Variants in STXBP5L observed in about 807,000 individuals in gnomAD.
STXBP5L encodes syntaxin-binding protein 5-like.
A neutral mutation model predicts 144.5 loss-of-function variants in STXBP5L; 65 were observed. The ratio of observed to expected loss-of-function variants is 0.45; its 90% CI spans 0.37 to 0.55. The LOEUF (loss-of-function observed/expected upper bound fraction) is 0.55, where lower values mean the gene tolerates loss of function less well. STXBP5L is among the 20% of genes least tolerant of loss of function. The probability of loss-of-function intolerance (pLI) is 0.00; values close to 1 mark genes in which losing one functional copy is unlikely to be tolerated. For missense variants in STXBP5L, 1,298 were observed against 1,405.5 expected, an observed-to-expected ratio of 0.92 and a Z score of 1.22; for synonymous variants, 505 against 469.6, an observed-to-expected ratio of 1.08 and a Z score of -0.97.
intron 5 of STXBP5L, among the ~76,000 whole-genome samples, chr3:121,057,109 AAAAT>A (rs1186043256): frequency 1.3e-5 from 2 of 151,900 alleles, no homozygotes; most frequent in Non-Finnish European, 2.9e-5. Context: ...CATAACAATG[AAAAT>A]AAATAAACTA....
At chr3:121,050,767 C>T (rs1182223256) in intron 5 of STXBP5L, among the ~76,000 whole-genome samples, 2 of 152,094 alleles carry the variant, frequency 1.3e-5, no homozygotes, top group African/African-American at 4.8e-5. Flanking sequence ...ACTAAATGCT[C>T]CAATTAAAAG....
intron 3 of STXBP5L, among the ~76,000 whole-genome samples, chr3:121,004,100 G>T (rs1944038759): frequency 6.6e-6 from 1 of 152,124 alleles, no homozygotes; most frequent in Admixed American, 6.5e-5. Flanking sequence ...GTCATTGGTA[G>T]CTTGATGGGG....
At chr3:121,112,191 C>T (rs1428654241) in intron 5 of STXBP5L, among the ~76,000 whole-genome samples, 2 of 152,086 alleles carry the variant, frequency 1.3e-5, no homozygotes, top group African/African-American at 4.8e-5. Flanking sequence ...CTGCCCCTCC[C>T]CTCAGGAACT....
rs560196385 is a variant in STXBP5L, at chr3:121,197,489, A to G, written c.878-8434A>G. On this transcript the variant is annotated intron_variant, in intron 9 of 26. Transcript: ENST00000471454. ...AATATTTTTAAAAAATTTAATTTCT[A>G]TTTATTTATTTATTTACTTTAAGTT... is the stretch of plus-strand genomic sequence containing the variant. Among the ~76,000 whole-genome samples the G allele has an allele frequency of 4.0e-5, 6 of 151,788 alleles. No homozygotes were observed. The South Asian group carries it at 1.0e-3, about 26-fold the overall frequency.
At chr3:121,333,656 G>C (rs2044403900) in intron 20 of STXBP5L, among the ~76,000 whole-genome samples, 1 of 151,462 alleles carries the variant, frequency 6.6e-6, no homozygotes. Context: ...TAAAAGAGAA[G>C]ATTCAAATAA....
intron 4 of STXBP5L, 27 bp downstream of exon 4, chr3:121,041,808 A>G (rs1947177934): frequency 1.4e-6 from 2 of 1,447,806 alleles, no homozygotes; most frequent in Non-Finnish European, 1.9e-6. Context: ...GACTACTTAA[A>G]TCACACACTC....
intron 9 of STXBP5L, among the ~76,000 whole-genome samples, chr3:121,203,061 CTTTTTTTCTGTTT>C (rs1333222190): frequency 2.1e-5 from 3 of 142,514 alleles, no homozygotes; most frequent in East Asian, 4.0e-4. Context: ...CTCCTTCATT[CTTTTTTTCTGTTT>C]TTTTTTTCTG....
intron 3 of STXBP5L, among the ~76,000 whole-genome samples, chr3:120,992,150 TA>T (rs1448195528): frequency 6.6e-6 from 1 of 152,120 alleles, no homozygotes; most frequent in Admixed American, 6.6e-5. Flanking sequence ...AAAACTTATT[TA>T]TTTATTTATT....
At chr3:121,308,225 C>A (rs1226528781) in intron 19 of STXBP5L, among the ~76,000 whole-genome samples, 6 of 152,268 alleles carry the variant, frequency 3.9e-5, no homozygotes, top group South Asian at 2.1e-4. Context: ...ATGTAAGAAA[C>A]CTGCACGTCC....
At chr3:121,373,990 C>G (rs1241576603) in intron 20 of STXBP5L, among the ~76,000 whole-genome samples, 1 of 152,196 alleles carries the variant, frequency 6.6e-6, no homozygotes, top group African/African-American at 2.4e-5. Flanking sequence ...CCAGCCTACT[C>G]AGGGCCCATA....
chr3:121,235,255 G>C (rs2049439125), intron 12 of STXBP5L, among the ~76,000 whole-genome samples: 1 of 151,788 alleles, frequency 6.6e-6, no homozygotes, highest in Non-Finnish European at 1.5e-5. Flanking sequence ...CCTTCCAAAT[G>C]GTTACCTCTC....
intron 6 of STXBP5L, among the ~76,000 whole-genome samples, chr3:121,116,784 T>A (rs1361963388): frequency 1.3e-5 from 2 of 152,108 alleles, no homozygotes; most frequent in East Asian, 3.9e-4. Context: ...ATCCTAGTCC[T>A]ATAAAAGCAA....
At chr3:121,377,167 TCTGCAAG>T (rs1195401315) in intron 20 of STXBP5L, among the ~76,000 whole-genome samples, 3 of 152,198 alleles carry the variant, frequency 2.0e-5, no homozygotes, top group Non-Finnish European at 2.9e-5. Context: ...AATCATGTCA[TCTGCAAG>T]CAGAGACAAT....
intron 6 of STXBP5L, 95 bp downstream of exon 6, chr3:121,115,154 A>T: frequency 8.4e-7 from 1 of 1,191,448 alleles, no homozygotes; most frequent in Non-Finnish European, 1.2e-6. Flanking sequence ...TACGTCTATT[A>T]CTAATTTATA....
At position 121,351,254 on chromosome 3, in the gene STXBP5L, A is replaced by G. The variant is rs373802882; in HGVS notation, c.2177-27462A>G. On this transcript the variant is annotated intron_variant, in intron 20 of 26. Coordinates refer to ENST00000471454, the MANE Select transcript of STXBP5L (RefSeq NM_001308330.2). ...GACCCTGTTTGCCTGGGTATCAGCA[A>G]CAGAGGCTGCAGAACAGCGGATATT... Among the ~76,000 whole-genome samples the G allele has an allele frequency of 1.2e-4, 18 of 152,200 alleles. No homozygotes were observed. In the East Asian group the frequency reaches 1.7e-3, roughly 15 times the overall value.
At chr3:121,189,339 G>A (rs1317063441) in intron 9 of STXBP5L, among the ~76,000 whole-genome samples, 1 of 152,286 alleles carries the variant, frequency 6.6e-6, no homozygotes, top group South Asian at 2.1e-4. Context: ...TTCTTCTAGG[G>A]TTTTTACTGT....
At chr3:120,959,022 A>T (rs182339418) in intron 3 of STXBP5L, among the ~76,000 whole-genome samples, 2 of 152,328 alleles carry the variant, frequency 1.3e-5, no homozygotes, top group African/African-American at 4.8e-5. Flanking sequence ...TCTCAGCCCA[A>T]AATCTCCATA....
chr3:121,048,048 A>C (rs1443730345), intron 5 of STXBP5L, among the ~76,000 whole-genome samples: 3 of 152,200 alleles, frequency 2.0e-5, no homozygotes, highest in Admixed American at 2.0e-4. Context: ...TCTGGTGGTC[A>C]TAAATTCCCT....
chr3:121,101,641 A>T (rs146826438), intron 5 of STXBP5L, among the ~76,000 whole-genome samples: 3 of 152,104 alleles, frequency 2.0e-5, no homozygotes, highest in Non-Finnish European at 2.9e-5. Context: ...GAACAGGCAA[A>T]AGCTGAAAGC....
Sources: allele counts gnomAD v4.1 joint callset (sites outside exome capture counted in the v4.1 genomes callset), GRCh38; gene constraint gnomAD v4.1.1; transcripts MANE v1.5; gene names NCBI Gene and HGNC (gene_info 2026-07-23, HGNC 2026-07-21).